The following SLC22A24 variants were observed in gnomAD, a reference collection of about 807,000 sequenced individuals.
SLC22A24 encodes solute carrier family 22 member 24.
A neutral mutation model predicts 49.8 loss-of-function variants in SLC22A24; 53 were observed. The observed-to-expected ratio is 1.06, with a 90% CI of 0.85 to 1.34. The LOEUF (loss-of-function observed/expected upper bound fraction) is 1.34. SLC22A24 is among the 40% of genes most tolerant of loss of function. The probability of loss-of-function intolerance (pLI) is 0.00; values close to 1 mark genes in which losing one functional copy is unlikely to be tolerated. For missense variants in SLC22A24, 786 were observed against 675.9 expected (o/e 1.16, Z -1.81); for synonymous variants, 302 against 256.4 (o/e 1.18, Z -1.70).
Position 63,092,937 on chromosome 11 carries a change from C to G in SLC22A24, c.1070+3054G>C, listed in dbSNP as rs185842456. 2.7e-3 allele frequency among the ~76,000 whole-genome samples: 418 copies of G among 152,204 alleles called. 1 individual carries two copies. Among genetic ancestry groups the G allele is most frequent in the African/African-American group, 9.7e-3 (402 of 41,542 alleles). ...CAGAATGGGAGAAAATTTTTGCAAG[C>G]TACCTATCTGACAAAAGGCTAATAT... On this transcript the variant is annotated intron_variant, in intron 6 of 9. Transcript: ENST00000612278.
chr11:63,095,170 G>A (rs1468520588), intron 6 of SLC22A24, among the ~76,000 whole-genome samples: 1 of 151,956 alleles, frequency 6.6e-6, no homozygotes, highest in African/African-American at 2.4e-5. Context: ...AAGGTGTAAG[G>A]GATCCAGTTT....
chr11:63,136,886 G>A (rs1488497348), intron 1 of SLC22A24, among the ~76,000 whole-genome samples: 1 of 152,192 alleles, frequency 6.6e-6, no homozygotes, highest in African/African-American at 2.4e-5. Flanking sequence ...ATGTACATGG[G>A]TTTAATTGCA....
chr11:63,103,970 A>T (rs1298284527), intron 5 of SLC22A24, among the ~76,000 whole-genome samples: 1 of 152,182 alleles, frequency 6.6e-6, no homozygotes, highest in Non-Finnish European at 1.5e-5. Flanking sequence ...ATTTAATTAA[A>T]CAATTATATC....
intron 2 of SLC22A24, among the ~76,000 whole-genome samples, chr11:63,132,111 C>G (rs2087340465): frequency 1.3e-5 from 2 of 152,160 alleles, no homozygotes; most frequent in Non-Finnish European, 2.9e-5. Flanking sequence ...AGTTCTCATG[C>G]TGTGGTTTTC....
intron 4 of SLC22A24, among the ~76,000 whole-genome samples, chr11:63,116,851 C>A (rs1332109818): frequency 6.6e-6 from 1 of 152,154 alleles, no homozygotes; most frequent in Non-Finnish European, 1.5e-5. Flanking sequence ...GCCTGCCCAA[C>A]TCTTCTGTTT....
Position 63,083,360 on chromosome 11 carries a change from A to G in SLC22A24, c.1168T>C (p.Phe390Leu). ...AAAAGGGAAACACATCTGGCTGTGA[A>G]TGTGACAGCTCCACAGAGAATCTGG... ...LFQILCGAVT[F>L]TARCVSLLTL... is the part of the protein sequence containing the mutation. The change falls in exon 7 of 10, where the codon TTC becomes CTC. Residue 390 changes from phenylalanine to leucine, a missense_variant. Phe to Leu is a conservative substitution (Grantham distance 22). Coordinates refer to ENST00000612278, the MANE Select transcript of SLC22A24 (RefSeq NM_001136506.2). 1.3e-6 allele frequency: 2 copies of G among 1,552,870 alleles called. No individual in the cohort carries two copies. The highest frequency in any genetic ancestry group is 1.7e-6 in the Non-Finnish European group (2 of 1,147,410).
rs2087406660 is a variant in SLC22A24 at position 63,140,266 on chromosome 11, G to A, written c.402+3112C>T. 2.6e-5 allele frequency among the ~76,000 whole-genome samples: 4 copies of A among 151,872 alleles called. No homozygotes were observed. The South Asian group carries it at 8.3e-4, about 32-fold the overall frequency. On this transcript the variant is annotated intron_variant, in intron 1 of 9. Coordinates refer to ENST00000612278, the MANE Select transcript of SLC22A24 (RefSeq NM_001136506.2). Reference sequence around the variant, plus strand: ...CCAGCTAATTTTTGTATTTTTAGTAGAGATGAGGTTTCACCATGTTGGCCA... The same window carrying A: ...CCAGCTAATTTTTGTATTTTTAGTAAAGATGAGGTTTCACCATGTTGGCCA...
rs1303104637 is a variant in SLC22A24 at position 63,105,443 on chromosome 11, AT to A, written c.831-1146del. ...AAAACTTCTTCCTGGACATCTAAGC[AT>A]TTCCATACATTCTCTGAAATCTAGA... On this transcript the variant is annotated intron_variant, in intron 4 of 9. Transcript: ENST00000612278. 2.6e-5 allele frequency among the ~76,000 whole-genome samples: 4 copies of A among 152,246 alleles called. No homozygotes were observed. The East Asian group carries it at 7.7e-4, about 29-fold the overall frequency.
At chr11:63,136,766 G>A (rs1269787902) in intron 1 of SLC22A24, among the ~76,000 whole-genome samples, 1 of 152,174 alleles carries the variant, frequency 6.6e-6, no homozygotes, top group Admixed American at 6.5e-5. Context: ...ATGGTTCAGT[G>A]GCCCCCTCTT....
At chr11:63,103,539 A>G (rs1320281033) in intron 5 of SLC22A24, among the ~76,000 whole-genome samples, 2 of 152,180 alleles carry the variant, frequency 1.3e-5, no homozygotes, top group Non-Finnish European at 2.9e-5. Context: ...TAAAGGAATG[A>G]GTGAAAGAGT....
At chr11:63,143,289 G>T in intron 1 of SLC22A24, 89 bp downstream of exon 1, 1 of 1,168,086 alleles carries the variant, frequency 8.6e-7, no homozygotes, top group Non-Finnish European at 1.1e-6. Context: ...TCCCATCTAA[G>T]GACTAAAGGT....
intron 1 of SLC22A24, among the ~76,000 whole-genome samples, chr11:63,139,377 A>G (rs1253551189): frequency 1.3e-5 from 2 of 152,216 alleles, no homozygotes; most frequent in Admixed American, 1.3e-4. Flanking sequence ...GCATTGTGTC[A>G]TCTGACAGTT....
chr11:63,138,484 T>C (rs1056069394), intron 1 of SLC22A24, among the ~76,000 whole-genome samples: 5 of 151,356 alleles, frequency 3.3e-5, no homozygotes, highest in African/African-American at 1.2e-4. Context: ...CTACTAAAAA[T>C]AGAAAAAATT....
intron 6 of SLC22A24, among the ~76,000 whole-genome samples, chr11:63,090,080 CAAAAAA>C (rs60285946): frequency 3.4e-4 from 22 of 64,690 alleles, no homozygotes; most frequent in Middle Eastern, 0.012. Context: ...GACTCTGTCT[CAAAAAA>C]AAAAAAAAAA....
intron 9 of SLC22A24, 25 bp downstream of exon 9, chr11:63,080,895 A>G (rs10897341): frequency 1.3e-6 from 2 of 1,542,246 alleles, no homozygotes; most frequent in African/African-American, 1.4e-5. Flanking sequence ...TCCCCACTCA[A>G]GTGACAGCTA....
At position 63,093,695 on chromosome 11, in the gene SLC22A24, T is replaced by TGTAGGTAGA. The variant is rs1177193582; in HGVS notation, c.1070+2295_1070+2296insTCTACCTAC. Among the ~76,000 whole-genome samples the TGTAGGTAGA allele has an allele frequency of 2.0e-5, 3 of 151,998 alleles. No homozygotes were observed. The East Asian group carries it at 5.8e-4, about 29-fold the overall frequency. On this transcript the variant is annotated intron_variant, in intron 6 of 9. Coordinates refer to ENST00000612278, the MANE Select transcript of SLC22A24 (RefSeq NM_001136506.2). ...CAATAGACACTGGGGCCTACCTAATTGGGGAAGGTGGGAGGAGGGAGAGGA... is the reference window on the plus strand; with the variant it reads ...CAATAGACACTGGGGCCTACCTAATTGTAGGTAGAGGGGAAGGTGGGAGGAGGGAGAGGA...
At chr11:63,089,853 G>A (rs557417620) in intron 6 of SLC22A24, among the ~76,000 whole-genome samples, 3 of 152,090 alleles carry the variant, frequency 2.0e-5, no homozygotes, top group African/African-American at 4.8e-5. Flanking sequence ...AGGCCGAGGC[G>A]GGTGGATCAC....
chr11:63,128,954 T>C (rs1011197978), intron 2 of SLC22A24, among the ~76,000 whole-genome samples: 6 of 152,182 alleles, frequency 3.9e-5, no homozygotes, highest in African/African-American at 7.2e-5. Flanking sequence ...GAAAAACCCA[T>C]AGACCCTGTA....
intron 4 of SLC22A24, among the ~76,000 whole-genome samples, chr11:63,109,974 G>A (rs1474841680): frequency 6.6e-6 from 1 of 152,136 alleles, no homozygotes; most frequent in Non-Finnish European, 1.5e-5. Context: ...GGTTTTTATG[G>A]TTTTAGATCT....
Sources: allele counts gnomAD v4.1 joint callset (sites outside exome capture counted in the v4.1 genomes callset), GRCh38; gene constraint gnomAD v4.1.1; transcripts MANE v1.5; gene names NCBI Gene and HGNC (gene_info 2026-07-23, HGNC 2026-07-21).